Variants in TOP1MT observed in about 807,000 individuals in gnomAD.
The protein encoded by TOP1MT is DNA topoisomerase I mitochondrial.
In TOP1MT, 80 loss-of-function variants were observed where a neutral mutation model predicts 73.9. The observed-to-expected ratio is 1.08, with a 90% CI of 0.90 to 1.30. TOP1MT has a LOEUF of 1.30. Ranked by LOEUF, TOP1MT falls within the 50% of genes most tolerant of loss-of-function variation. The pLI is 0.00. For missense variants in TOP1MT, 815 were observed against 808.0 expected, an observed-to-expected ratio of 1.01 and a Z score of -0.10; for synonymous variants, 338 against 326.4, an observed-to-expected ratio of 1.04 and a Z score of -0.38.
chr8:143,342,589 T>A (rs1191503695), intron 2 of TOP1MT, among the ~76,000 whole-genome samples: 1 of 113,586 alleles, frequency 8.8e-6, no homozygotes. Context: ...ATTATTATTA[T>A]TAGAGACAGA....
chr8:143,354,137 C>T (rs1040593562), intron 1 of TOP1MT, among the ~76,000 whole-genome samples: 11 of 151,912 alleles, frequency 7.2e-5, no homozygotes, highest in Non-Finnish European at 5.9e-5. Flanking sequence ...CACAATAGCC[C>T]TACGGTACAA....
At chr8:143,345,970 G>A (rs1181232043), upstream of TOP1MT, among the ~76,000 whole-genome samples, 2 of 152,240 alleles carry the variant, frequency 1.3e-5, no homozygotes, top group East Asian at 1.9e-4. Context: ...GGTGATGGTC[G>A]AGTGTGTGTG....
intron 7 of TOP1MT, among the ~76,000 whole-genome samples, chr8:143,322,160 A>ACACAGGCACGCCACACGCACGC (rs1816441783): frequency 2.6e-4 from 27 of 102,826 alleles, no homozygotes; most frequent in African/African-American, 9.9e-4. Context: ...CACGCACGCC[A>ACACAGGCACGCCACACGCACGC]CACACGCATG....
At chr8:143,315,414 T>C (rs977562402) in intron 12 of TOP1MT, among the ~76,000 whole-genome samples, 1 of 152,186 alleles carries the variant, frequency 6.6e-6, no homozygotes, top group African/African-American at 2.4e-5. Context: ...CCAGTGGACA[T>C]GTGACCCACG....
chr8:143,309,470 C>G lies in TOP1MT; in HGVS notation c.1777G>C (p.Ala593Pro). ...AATTCAAAGTCTTCTCCTGCCATGG[C>G]GAGAGCCCAGGCGAACCTCTCCCGC... is the stretch of plus-strand genomic sequence containing the variant. ...TQRERFAWAL[A>P]MAGEDFEF The change falls in exon 14 of 14, where the codon GCC becomes CCC. Residue 593 changes from alanine (A) to proline (P), a missense_variant. Physicochemically the swap from Ala to Pro is conservative, Grantham distance 27 (BLOSUM62 -1). Transcript: ENST00000329245. 1 of 1,613,882 alleles carries G rather than the reference C, an allele frequency of 6.2e-7. No homozygotes were observed. The highest frequency in any genetic ancestry group is 8.5e-7 in the Non-Finnish European group (1 of 1,180,026).
chr8:143,316,975 C>T (rs1471310005), intron 10 of TOP1MT, among the ~76,000 whole-genome samples: 3 of 152,246 alleles, frequency 2.0e-5, no homozygotes, highest in East Asian at 3.9e-4. Context: ...CCCACAGCCC[C>T]AGTGCTGCCC....
upstream of TOP1MT, among the ~76,000 whole-genome samples, chr8:143,347,904 C>T (rs887901037): frequency 6.6e-6 from 1 of 152,212 alleles, no homozygotes; most frequent in Non-Finnish European, 1.5e-5. Flanking sequence ...TCAGCAGGCT[C>T]CTCTGTGACG....
intron 3 of TOP1MT, chr8:143,328,242 T>C (rs1390742242): frequency 2.2e-6 from 1 of 456,244 alleles, no homozygotes; most frequent in East Asian, 6.9e-5. Flanking sequence ...GTTTTCTGTT[T>C]GGAGACCTCA....
At position 143,331,249 on chromosome 8, in the gene TOP1MT, G is replaced by C. The variant is rs149232467; in HGVS notation, c.213C>G (p.Pro71=). The C allele has an allele frequency of 6.2e-7, 1 of 1,610,470 alleles. No individual in the cohort carries two copies. Among genetic ancestry groups the C allele is most frequent in the Non-Finnish European group, 8.5e-7 (1 of 1,177,186 alleles). Residue 71 remains proline, a synonymous_variant, in exon 2 of 14, where the codon CCC becomes CCG. Transcript: ENST00000329245. ...CTTCATAGAAGAAACGCACTCCGTC[G>C]GGAAGGGGCTCGTATGGGGGTGCGA... ...PYFAPPYEPL[P]DGVRFFYEGR...
Position 143,321,330 on chromosome 8 carries a change from G to C in TOP1MT, c.1017C>G (p.Gly339=). 1 of 1,605,718 alleles carries C rather than the reference G, an allele frequency of 6.2e-7. No homozygotes were observed. Among genetic ancestry groups the C allele is most frequent in the Non-Finnish European group, 8.5e-7 (1 of 1,173,746 alleles). The change falls in exon 8 of 14, where the codon GGC becomes GGG. Residue 339 remains glycine, a synonymous_variant. Transcript: ENST00000329245. Reference sequence around the variant, plus strand: ...CGTGCTCCACGCGGAGGGAACAGCAGCCCACGGTGTCGGCCGCCTCACCGT... The same window carrying C: ...CGTGCTCCACGCGGAGGGAACAGCACCCCACGGTGTCGGCCGCCTCACCGT... ...KEDGEAADTV[G]CCSLRVEHVQ... is the part of the protein sequence containing the mutation.
At chr8:143,348,915 T>C (rs1376084608), upstream of TOP1MT, among the ~76,000 whole-genome samples, 3 of 152,136 alleles carry the variant, frequency 2.0e-5, no homozygotes, top group Non-Finnish European at 2.9e-5. This position sits in a 1 kb window ranked among gnomAD's most constrained non-coding sequence, Gnocchi z 4.6. Context: ...AAGCTGAGAA[T>C]CCTGCCAAAC....
intron 4 of TOP1MT, 147 bp from the exon 5 acceptor site, chr8:143,325,680 G>A: frequency 1.3e-6 from 1 of 762,884 alleles, no homozygotes; most frequent in Non-Finnish European, 2.1e-6. Flanking sequence ...GAGGTTGCAG[G>A]GGCAGGGGAC....
chr8:143,317,665 G>A (rs760465751), intron 10 of TOP1MT, 58 bp downstream of exon 10: 70 of 1,454,626 alleles, frequency 4.8e-5, no homozygotes, highest in Middle Eastern at 2.3e-4. Flanking sequence ...CGGGGAGCCC[G>A]GTCTGGGGCA....
chr8:143,322,566 G>GC (rs1816487512), intron 7 of TOP1MT, among the ~76,000 whole-genome samples: 2 of 39,436 alleles, frequency 5.1e-5, no homozygotes, highest in Non-Finnish European at 9.6e-5. Context: ...GCCACACACA[G>GC]ACACGCCACA....
intron 1 of TOP1MT, chr8:143,332,606 G>C (rs778029281): frequency 7.8e-7 from 1 of 1,280,394 alleles, no homozygotes; most frequent in South Asian, 1.2e-5. Context: ...AAGGGTCTGA[G>C]AGGGGAAAGC....
chr8:143,322,540 C>A (rs796986494), intron 7 of TOP1MT, among the ~76,000 whole-genome samples: 2 of 121,568 alleles, frequency 1.6e-5, no homozygotes, highest in African/African-American at 6.3e-5. Context: ...CAAAGATGCA[C>A]GCCACACACA....
At chr8:143,326,090 G>A in intron 4 of TOP1MT, 132 bp downstream of exon 4, 1 of 1,056,866 alleles carries the variant, frequency 9.5e-7, no homozygotes, top group Admixed American at 2.8e-5. Flanking sequence ...GGGCGCTAAG[G>A]CTGACGAGAA....
At chr8:143,319,993 A>G (rs2130001531) in intron 8 of TOP1MT, among the ~76,000 whole-genome samples, 1 of 151,860 alleles carries the variant, frequency 6.6e-6, no homozygotes, top group East Asian at 2.0e-4. Flanking sequence ...GCTTGGTGGC[A>G]GGCACCTGTA....
upstream of TOP1MT, among the ~76,000 whole-genome samples, chr8:143,335,616 G>C (rs3812438): frequency 0.068 from 10,288 of 152,334 alleles, 451 homozygotes; most frequent in Non-Finnish European, 0.093. Flanking sequence ...CTTGGCGGTA[G>C]GCCCTGAGCC....
Sources: allele counts gnomAD v4.1 joint callset (sites outside exome capture counted in the v4.1 genomes callset), GRCh38; gene constraint gnomAD v4.1.1; non-coding constraint Gnocchi (gnomAD v3.1); transcripts MANE v1.5; gene names NCBI Gene and HGNC (gene_info 2026-07-23, HGNC 2026-07-21).